The following ZHX3 variants were observed in gnomAD, a reference collection of about 807,000 sequenced individuals.
ZHX3 encodes zinc fingers and homeoboxes protein 3.
A neutral mutation model predicts 64.5 loss-of-function variants in ZHX3; 20 were observed. The observed-to-expected ratio is 0.31, with a 90% confidence interval of 0.22 to 0.45. ZHX3 has a LOEUF of 0.45. Among genes scored for constraint, ZHX3 ranks in the 20% least tolerant of loss-of-function variants. The pLI is 1.00. For missense variants in ZHX3, 1,041 were observed against 1,195.8 expected (o/e 0.87, Z 1.91); for synonymous variants, 423 against 461.6 (o/e 0.92, Z 1.07).
At chr20:41,285,098 T>C (rs1395338287) in intron 1 of ZHX3, among the ~76,000 whole-genome samples, 1 of 152,094 alleles carries the variant, frequency 6.6e-6, no homozygotes, top group Non-Finnish European at 1.5e-5. Flanking sequence ...GGGTCGATGA[T>C]CCTTCTGCTT....
chr20:41,183,162 TTATACTG>T lies in ZHX3; in HGVS notation c.*2022_*2028del, dbSNP rs2146091190. The T allele has an allele frequency of 6.6e-6, 1 of 150,550 alleles. No homozygotes were observed. The highest frequency in any genetic ancestry group is 2.5e-5 in the African/African-American group (1 of 40,436). 9.3% of individuals were successfully genotyped at this position (150,550 alleles called of 1,614,324 possible). ...CGTTTTACGAGAATCAAATGAGTAT[TTATACTG>T]TATATGTGTGTGTGTATATATATAT... is the stretch of plus-strand genomic sequence containing the variant. On this transcript the variant is annotated 3_prime_UTR_variant, in exon 4 of 4. Transcript: ENST00000683867. This position sits in a 1 kb window ranked among gnomAD's most constrained non-coding sequence, Gnocchi z 5.3.
intron 2 of ZHX3, among the ~76,000 whole-genome samples, chr20:41,222,920 AAAG>A (rs1330041782): frequency 1.9e-4 from 29 of 151,152 alleles, no homozygotes; most frequent in Non-Finnish European, 2.8e-4. Context: ...AAAAAAAAAA[AAAG>A]AAAGAAAGAA....
intron 2 of ZHX3, among the ~76,000 whole-genome samples, chr20:41,263,123 CAAT>C (rs2042642498): frequency 6.6e-6 from 1 of 151,750 alleles, no homozygotes; most frequent in Non-Finnish European, 1.5e-5. Flanking sequence ...AATACAATAG[CAAT>C]AATAAATTAA....
intron 2 of ZHX3, among the ~76,000 whole-genome samples, chr20:41,261,970 C>T (rs759039060): frequency 2.2e-4 from 33 of 152,200 alleles, no homozygotes; most frequent in Non-Finnish European, 4.6e-4. Flanking sequence ...ATGCCACTCC[C>T]CAAGTTGGTC....
chr20:41,296,737 G>C (rs2044549577), intron 1 of ZHX3, among the ~76,000 whole-genome samples: 1 of 152,206 alleles, frequency 6.6e-6, no homozygotes, highest in South Asian at 2.1e-4. Flanking sequence ...ATTGGGTTTA[G>C]CCAATGCTAA....
intron 2 of ZHX3, among the ~76,000 whole-genome samples, chr20:41,229,751 G>C (rs543719036): frequency 6.6e-6 from 1 of 152,128 alleles, no homozygotes; most frequent in South Asian, 2.1e-4. Flanking sequence ...CAGGTTGTCT[G>C]GGGTTTTTTG....
intron 1 of ZHX3, among the ~76,000 whole-genome samples, chr20:41,313,013 G>A (rs1336095110): frequency 1.3e-5 from 2 of 152,066 alleles, no homozygotes; most frequent in African/African-American, 4.8e-5. Context: ...GGTGAATTAG[G>A]AAGATGGAAA....
At chr20:41,216,589 G>A (rs996005541) in intron 2 of ZHX3, among the ~76,000 whole-genome samples, 1 of 152,110 alleles carries the variant, frequency 6.6e-6, no homozygotes, top group East Asian at 1.9e-4. Flanking sequence ...AGCATTCTAG[G>A]TTATGGATGC....
chr20:41,301,850 C>G (rs905278317), intron 1 of ZHX3, among the ~76,000 whole-genome samples: 11 of 151,668 alleles, frequency 7.3e-5, no homozygotes, highest in African/African-American at 2.4e-4. Context: ...GTCAGGAGAT[C>G]GAGACCATCC....
intron 3 of ZHX3, chr20:41,197,289 A>G (rs1054358009): frequency 6.9e-6 from 1 of 145,868 alleles, no homozygotes; most frequent in Non-Finnish European, 1.5e-5. Context: ...AAATACATAT[A>G]TATTTTATAT....
intron 2 of ZHX3, among the ~76,000 whole-genome samples, chr20:41,237,291 C>A (rs1311467692): frequency 6.6e-6 from 1 of 152,188 alleles, no homozygotes; most frequent in East Asian, 1.9e-4. Flanking sequence ...ATAAAACATG[C>A]TGCTATAAAG....
At chr20:41,269,832 T>TA (rs1226077673) in intron 1 of ZHX3, among the ~76,000 whole-genome samples, 1 of 151,572 alleles carries the variant, frequency 6.6e-6, no homozygotes, top group East Asian at 1.9e-4. Flanking sequence ...GTATCATGAC[T>TA]AGAGCATCAT....
chr20:41,209,089 C>T (rs2038955243), intron 2 of ZHX3, among the ~76,000 whole-genome samples: 3 of 152,288 alleles, frequency 2.0e-5, no homozygotes, highest in Non-Finnish European at 4.4e-5. Flanking sequence ...CTCCCATTCA[C>T]GATTGCTTCA....
intron 1 of ZHX3, among the ~76,000 whole-genome samples, chr20:41,293,568 G>C (rs2146762348): frequency 6.6e-6 from 1 of 152,204 alleles, no homozygotes; most frequent in East Asian, 1.9e-4. Context: ...AAAAAAGTAA[G>C]GCACACTTGA....
chr20:41,285,273 C>T (rs533718157), intron 1 of ZHX3, among the ~76,000 whole-genome samples: 1 of 152,286 alleles, frequency 6.6e-6, no homozygotes, highest in South Asian at 2.1e-4. Flanking sequence ...TGAATGCCAA[C>T]TTACAGAATA....
intron 3 of ZHX3, among the ~76,000 whole-genome samples, chr20:41,190,258 T>C (rs2036900441): frequency 6.6e-6 from 1 of 152,222 alleles, no homozygotes; most frequent in Non-Finnish European, 1.5e-5. Flanking sequence ...CACTGCAACC[T>C]CTGCTTCCTG....
intron 3 of ZHX3, among the ~76,000 whole-genome samples, chr20:41,191,736 G>C (rs1019870244): frequency 6.6e-6 from 1 of 152,220 alleles, no homozygotes; most frequent in Admixed American, 6.5e-5. Flanking sequence ...GTGCAGTAGT[G>C]TAGTCTCTGT....
chr20:41,196,471 ATAT>A (rs2037616594), intron 3 of ZHX3, among the ~76,000 whole-genome samples: 1 of 48,400 alleles, frequency 2.1e-5, no homozygotes, highest in Middle Eastern at 0.016. Flanking sequence ...TATATAATAT[ATAT>A]TTATATATTA....
chr20:41,196,482 T>TATATTATATATAATATATATTTA (rs2037628628), intron 3 of ZHX3, among the ~76,000 whole-genome samples: 1 of 8,302 alleles, frequency 1.2e-4, no homozygotes, highest in African/African-American at 6.2e-4. Flanking sequence ...TATTTATATA[T>TATATTATATATAATATATATTTA]TATAAATATA....
Sources: gnomAD v4.1 joint callset for allele counts (sites outside exome capture counted in the v4.1 genomes callset) on GRCh38, gnomAD v4.1.1 for gene constraint, Gnocchi (gnomAD v3.1) non-coding constraint, MANE v1.5 for transcripts, NCBI Gene and HGNC (gene_info 2026-07-23, HGNC 2026-07-21) for gene names.